Variants in RFX4 observed in about 807,000 individuals in gnomAD.
RFX4 encodes the protein transcription factor RFX4.
RFX4 carries 10 observed loss-of-function variants against 95.0 expected under a neutral mutation model. The ratio of observed to expected loss-of-function variants is 0.11; its 90% CI spans 0.06 to 0.18. The LOEUF is 0.18. Among genes scored for constraint, RFX4 ranks in the 10% least tolerant of loss-of-function variants. The pLI is 1.00. For missense variants in RFX4, 640 were observed against 922.0 expected (o/e 0.69, Z 3.96); for synonymous variants, 321 against 340.7 (o/e 0.94, Z 0.64).
chr12:106,696,397 G>T lies in RFX4; in HGVS notation c.784G>T (p.Ala262Ser). Residue 262 changes from alanine (A) to serine (S), a missense_variant, in exon 8 of 18, where the codon GCT (alanine) becomes TCT (serine). Transcript: ENST00000392842. ...CGTGTGTGACTCCATCCTCTACAAA[G>T]CTATCTCCGGGGTGCTGATGCCCAC... ...VGVCDSILYK[A>S]ISGVLMPTVL... 6.2e-7 allele frequency: 1 copy of T among 1,614,110 alleles called. No homozygotes were observed. The highest frequency in any genetic ancestry group is 1.1e-5 in the South Asian group (1 of 91,066).
At chr12:106,623,192 C>G (rs971308689) in intron 2 of RFX4, among the ~76,000 whole-genome samples, 20 of 151,662 alleles carry the variant, frequency 1.3e-4, no homozygotes, top group African/African-American at 4.4e-4. Flanking sequence ...GCGCCCACCA[C>G]TGCACCTGGC....
chr12:106,668,687 C>A (rs2041223846), intron 4 of RFX4, among the ~76,000 whole-genome samples: 1 of 152,180 alleles, frequency 6.6e-6, no homozygotes, highest in South Asian at 2.1e-4. Context: ...GCCATTTTAT[C>A]CACATAAGGG....
intron 5 of RFX4, chr12:106,684,831 C>T (rs758230655): frequency 2.6e-5 from 40 of 1,564,984 alleles, no homozygotes; most frequent in South Asian, 1.7e-4. Flanking sequence ...GGGCTGCCTT[C>T]GGAGGGTCTG....
chr12:106,748,403 A>G (rs1298705301), intron 16 of RFX4, among the ~76,000 whole-genome samples: 1 of 152,196 alleles, frequency 6.6e-6, no homozygotes, highest in South Asian at 2.1e-4. Context: ...GCAGTTATTC[A>G]TGAGGTTCAG....
intron 6 of RFX4, 85 bp downstream of exon 6, chr12:106,687,182 T>TCTCA (rs1443795120): frequency 0.011 from 5,926 of 545,636 alleles, 41 homozygotes; most frequent in East Asian, 0.043. Context: ...TCTCTCTCTC[T>TCTCA]CACACACACA....
intron 14 of RFX4, 131 bp from the exon 15 acceptor site, chr12:106,732,793 G>T (rs2137563982): frequency 1.2e-6 from 1 of 806,334 alleles, no homozygotes; most frequent in Middle Eastern, 2.4e-4. Flanking sequence ...TGATGGTGAT[G>T]GGAAACCATC....
intron 4 of RFX4, among the ~76,000 whole-genome samples, chr12:106,674,488 G>C (rs898697406): frequency 3.3e-5 from 5 of 151,774 alleles, no homozygotes; most frequent in Non-Finnish European, 7.4e-5. Context: ...GCACCACCAC[G>C]CCAAACTAAT....
chr12:106,616,025 A>G (rs1201599354), intron 2 of RFX4, among the ~76,000 whole-genome samples: 1 of 152,124 alleles, frequency 6.6e-6, no homozygotes, highest in Non-Finnish European at 1.5e-5. Context: ...AGTGGACATC[A>G]TTGCCTTTTT....
intron 2 of RFX4, among the ~76,000 whole-genome samples, chr12:106,613,466 G>A (rs572695467): frequency 2.6e-5 from 4 of 151,442 alleles, no homozygotes; most frequent in East Asian, 3.9e-4. Flanking sequence ...AGGTTCAAGC[G>A]ATTCTCCTGC....
rs77657766 is a variant in RFX4 at position 106,656,884 on chromosome 12, A to G, written c.315+2533A>G. ...CCAGCTGCTTCCAAAATAGTCATTT[A>G]AAAAACATCCGAACTCCATCTTATC... On this transcript the variant is annotated intron_variant, in intron 4 of 17. Transcript: ENST00000392842. Among the ~76,000 whole-genome samples, 126 of 152,344 alleles carry G rather than the reference A, an allele frequency of 8.3e-4. 1 individual carries two copies. Among genetic ancestry groups the G allele is most frequent in the African/African-American group, 2.8e-3 (117 of 41,588 alleles).
intron 4 of RFX4, among the ~76,000 whole-genome samples, chr12:106,668,864 C>A (rs1039372667): frequency 6.6e-6 from 1 of 152,102 alleles, no homozygotes; most frequent in Non-Finnish European, 1.5e-5. Flanking sequence ...TCATGGTCAG[C>A]AATTTGCTGA....
intron 7 of RFX4, among the ~76,000 whole-genome samples, chr12:106,694,283 A>T (rs1461432789): frequency 6.6e-6 from 1 of 152,164 alleles, no homozygotes; most frequent in Admixed American, 6.5e-5. Context: ...TCCATCCTGT[A>T]CTTCCACAGG....
chr12:106,592,450 AAC>A (rs1359447449), intron 1 of RFX4, among the ~76,000 whole-genome samples: 3 of 152,158 alleles, frequency 2.0e-5, no homozygotes, highest in Non-Finnish European at 4.4e-5. Context: ...TTGTGGAGGC[AAC>A]ACCTGTGGGC....
chr12:106,719,644 TG>T (rs2042359908), intron 11 of RFX4, among the ~76,000 whole-genome samples: 1 of 151,670 alleles, frequency 6.6e-6, no homozygotes, highest in African/African-American at 2.4e-5. Context: ...CCATTTCAGC[TG>T]GGACATGAGG....
intron 4 of RFX4, among the ~76,000 whole-genome samples, chr12:106,676,543 T>C (rs2041395448): frequency 6.6e-6 from 1 of 152,224 alleles, no homozygotes; most frequent in Non-Finnish European, 1.5e-5. Flanking sequence ...ATAATGATTT[T>C]TGATTAGCAT....
At chr12:106,731,924 C>T (rs114194880) in intron 13 of RFX4, among the ~76,000 whole-genome samples, 69 of 152,262 alleles carry the variant, frequency 4.5e-4, no homozygotes, top group African/African-American at 1.5e-3. Context: ...GTGTTAATGA[C>T]ACTTACCTTA....
chr12:106,682,098 G>GGGCC, intron 5 of RFX4, 44 bp downstream of exon 5: 1 of 1,600,558 alleles, frequency 6.2e-7, no homozygotes, highest in Non-Finnish European at 8.6e-7. Flanking sequence ...GCACATCTAT[G>GGGCC]GGCCTCGAGA....
At chr12:106,715,947 C>T (rs2042281171) in intron 11 of RFX4, among the ~76,000 whole-genome samples, 1 of 152,162 alleles carries the variant, frequency 6.6e-6, no homozygotes, top group South Asian at 2.1e-4. Context: ...CTCAGCCCAC[C>T]TATTGGTAGG....
chr12:106,747,403 T>C, intron 15 of RFX4, 34 bp from the exon 16 acceptor site: 1 of 1,605,238 alleles, frequency 6.2e-7, no homozygotes, highest in Non-Finnish European at 8.5e-7. Context: ...ATGAGAACTG[T>C]TAATGATCAA....
Sources: allele counts gnomAD v4.1 joint callset (sites outside exome capture counted in the v4.1 genomes callset), GRCh38; gene constraint gnomAD v4.1.1; transcripts MANE v1.5; gene names NCBI Gene and HGNC (gene_info 2026-07-23, HGNC 2026-07-21).